MICU1: variants seen among roughly 807,000 people sequenced by gnomAD.
MICU1 encodes calcium uptake protein 1, mitochondrial.
Under a neutral mutation model 56.8 loss-of-function variants are expected in MICU1, and 45 were observed. That is an observed-to-expected ratio of 0.79 (90% confidence interval 0.62 to 1.02). MICU1 has a LOEUF of 1.02. MICU1 is among the 50% of genes least tolerant of loss of function. The probability of loss-of-function intolerance (pLI) is 0.00; values close to 1 mark genes in which losing one functional copy is unlikely to be tolerated. For missense variants in MICU1, 504 were observed against 587.1 expected, an observed-to-expected ratio of 0.86 and a Z score of 1.46; for synonymous variants, 186 against 195.1, an observed-to-expected ratio of 0.95 and a Z score of 0.39.
rs1458742485 is a variant in MICU1 at position 72,569,228 on chromosome 10, TA to T, written c.-1-2435del. Among the ~76,000 whole-genome samples, 437 of 58,488 alleles carry T rather than the reference TA, an allele frequency of 7.5e-3. 11 individuals carry two copies. The highest frequency in any genetic ancestry group is 0.02 in the African/African-American group (246 of 12,190). The allele number at this position is 58,488 out of a possible 152,430, so 38.4% of individuals were successfully genotyped here. A position where few individuals can be genotyped will look rare whatever the true frequency, so the allele number is the denominator to read the frequency against. ...ATGCATATATATATATATATATATA[TA>T]TATATATATTTTTTTTTTTTTTTGA... On this transcript the variant is annotated intron_variant, in intron 1 of 11. Coordinates refer to ENST00000361114, the MANE Select transcript of MICU1 (RefSeq NM_001195518.2).
At chr10:72,400,777 A>G (rs1025404531) in intron 10 of MICU1, among the ~76,000 whole-genome samples, 6 of 152,058 alleles carry the variant, frequency 3.9e-5, no homozygotes, top group African/African-American at 1.2e-4. Context: ...TTCAAATCTT[A>G]TATCTTTGGA....
intron 6 of MICU1, among the ~76,000 whole-genome samples, chr10:72,485,881 TCA>T (rs551067437): frequency 1.7e-4 from 25 of 147,500 alleles, no homozygotes; most frequent in Admixed American, 2.0e-4. Flanking sequence ...AAAAGGTCAG[TCA>T]CACACACACA....
At chr10:72,531,993 T>C (rs61101235) in intron 5 of MICU1, among the ~76,000 whole-genome samples, 4 of 150,210 alleles carry the variant, frequency 2.7e-5, no homozygotes, top group Non-Finnish European at 5.9e-5. Flanking sequence ...CTCTGCCTCC[T>C]GGGTTCAAGT....
chr10:72,455,145 T>C lies in MICU1; in HGVS notation c.933+19955A>G, dbSNP rs377679714. ...TAGGTGGATCACCTAAGGTCAGGAG[T>C]TGGAGACCAGCCTGGCCAACATGGC... On this transcript the variant is annotated intron_variant, in intron 8 of 11. Coordinates refer to ENST00000361114, the MANE Select transcript of MICU1 (RefSeq NM_001195518.2). 4.2e-3 allele frequency among the ~76,000 whole-genome samples: 641 copies of C among 151,034 alleles called. 4 individuals are homozygous for C. Among genetic ancestry groups the C allele is most frequent in the Middle Eastern group, 0.014 (4 of 294 alleles).
chr10:72,625,038 A>T (rs1174121404), intron 1 of MICU1, among the ~76,000 whole-genome samples: 2 of 152,194 alleles, frequency 1.3e-5, no homozygotes, highest in Non-Finnish European at 2.9e-5. Context: ...AACTTGTTTC[A>T]CCTCATGAAA....
chr10:72,604,715 C>G (rs1409654390), intron 1 of MICU1, among the ~76,000 whole-genome samples: 1 of 152,042 alleles, frequency 6.6e-6, no homozygotes, highest in African/African-American at 2.4e-5. Context: ...AATGAAAGTG[C>G]TACTGAACAT....
At chr10:72,370,485 GACAAAACCCAAAACCAAACCCAACAAA>G (rs1238205941) in intron 11 of MICU1, among the ~76,000 whole-genome samples, 3 of 151,900 alleles carry the variant, frequency 2.0e-5, no homozygotes, top group African/African-American at 4.8e-5. Context: ...CCCACAGCAA[GACAAAACCCAAAACCAAACCCAACAAA>G]ACAAAACCCA....
chr10:72,551,563 C>G (rs1176151614), intron 3 of MICU1, among the ~76,000 whole-genome samples: 1 of 151,876 alleles, frequency 6.6e-6, no homozygotes, highest in Non-Finnish European at 1.5e-5. Context: ...CATTCATATT[C>G]CAGTTGAGGC....
At chr10:72,432,530 T>C (rs1864574287) in intron 8 of MICU1, among the ~76,000 whole-genome samples, 1 of 152,154 alleles carries the variant, frequency 6.6e-6, no homozygotes, top group African/African-American at 2.4e-5. Flanking sequence ...TTCTGCAGGC[T>C]ATAGGGGAAG....
chr10:72,618,508 C>T (rs1842033443), intron 1 of MICU1, among the ~76,000 whole-genome samples: 1 of 151,830 alleles, frequency 6.6e-6, no homozygotes. Flanking sequence ...TCGAAGATTG[C>T]TTAATTTAAA....
At chr10:72,533,120 T>C in intron 5 of MICU1, 2 of 1,290,110 alleles carry the variant, frequency 1.6e-6, no homozygotes, top group Non-Finnish European at 2.0e-6. Flanking sequence ...CCTTTACTTT[T>C]CTTTCTGACC....
rs5786074 is a variant in MICU1, at chr10:72,409,082, C to CT, written c.1072-1046_1072-1045insA. On this transcript the variant is annotated intron_variant, in intron 9 of 11. Transcript: ENST00000361114. ...AGATTTGTCCTATTTGCCTTTCCCC[C>CT]GCTTCCCACACATCATGCTGTGATG... 6.8e-3 allele frequency among the ~76,000 whole-genome samples: 1,031 copies of CT among 152,200 alleles called. 9 individuals are homozygous for CT. The highest frequency in any genetic ancestry group is 0.024 in the African/African-American group (986 of 41,514).
intron 1 of MICU1, among the ~76,000 whole-genome samples, chr10:72,610,527 G>A (rs1264648869): frequency 6.6e-6 from 1 of 152,128 alleles, no homozygotes. Context: ...AAGAAACAGT[G>A]GGAAGACAGT....
intron 9 of MICU1, among the ~76,000 whole-genome samples, chr10:72,421,783 T>A (rs899817524): frequency 6.6e-6 from 1 of 152,106 alleles, no homozygotes; most frequent in Non-Finnish European, 1.5e-5. Flanking sequence ...ACAGCCAGAG[T>A]TGTCTCTTTA....
rs1244489104 is a variant in MICU1, at chr10:72,509,273, A to C, written c.538-1004T>G. 5 of 710,020 alleles carry C rather than the reference A, an allele frequency of 7.0e-6. No homozygotes were observed. The Admixed American group carries it at 1.3e-4, about 19-fold the overall frequency. 44.0% of individuals were successfully genotyped at this position (710,020 alleles called of 1,614,324 possible). A position where few individuals can be genotyped will look rare whatever the true frequency, so the allele number is the denominator to read the frequency against. ...ACCAATAAAGCACAATCAAAGTAAT[A>C]ATGTCATGCAAGCATAAAGTAAGAG... is the stretch of plus-strand genomic sequence containing the variant. On this transcript the variant is annotated intron_variant, in intron 5 of 11. Transcript: ENST00000361114.
intron 8 of MICU1, among the ~76,000 whole-genome samples, chr10:72,471,071 C>T (rs984646627): frequency 1.3e-5 from 2 of 152,056 alleles, no homozygotes; most frequent in African/African-American, 4.8e-5. Context: ...AATATTTTCC[C>T]TCATGGGCAT....
intron 1 of MICU1, among the ~76,000 whole-genome samples, chr10:72,576,962 A>G (rs1283328814): frequency 6.6e-6 from 1 of 152,238 alleles, no homozygotes; most frequent in East Asian, 1.9e-4. Flanking sequence ...AAGTGGATAA[A>G]GAAAATGTGG....
intron 7 of MICU1, 82 bp downstream of exon 7, chr10:72,477,092 C>A (rs769793392): frequency 3.7e-5 from 40 of 1,067,582 alleles, no homozygotes; most frequent in East Asian, 1.1e-4. Flanking sequence ...AGTATACTGA[C>A]CAAGGCTAAG....
intron 1 of MICU1, among the ~76,000 whole-genome samples, chr10:72,602,875 A>T (rs1307543109): frequency 6.6e-6 from 1 of 152,242 alleles, no homozygotes; most frequent in Non-Finnish European, 1.5e-5. Flanking sequence ...CGGGAGGCCG[A>T]GGCAGGCGGA....
Sources: allele counts gnomAD v4.1 joint callset (sites outside exome capture counted in the v4.1 genomes callset), GRCh38; gene constraint gnomAD v4.1.1; transcripts MANE v1.5; gene names NCBI Gene and HGNC (gene_info 2026-07-23, HGNC 2026-07-21).